The following TRAPPC9 variants were observed in gnomAD, a reference collection of about 807,000 sequenced individuals.
The protein encoded by TRAPPC9 is IKK2 binding protein.
In TRAPPC9, 83 loss-of-function variants were observed where a neutral mutation model predicts 124.0. The observed-to-expected ratio is 0.67, with a 90% CI of 0.56 to 0.80. The LOEUF is 0.80. Among genes scored for constraint, TRAPPC9 ranks in the 30% least tolerant of loss-of-function variants. TRAPPC9 has a pLI of 0.00. For missense variants in TRAPPC9, 1,302 were observed against 1,508.3 expected (o/e 0.86, Z 2.27); for synonymous variants, 638 against 617.5 (o/e 1.03, Z -0.49).
chr8:140,006,334 C>A (rs560114389), intron 18 of TRAPPC9, among the ~76,000 whole-genome samples: 1 of 152,100 alleles, frequency 6.6e-6, no homozygotes, highest in South Asian at 2.1e-4. Context: ...TGGCTGGAAT[C>A]AAAAAGATAG....
chr8:140,272,356 A>T (rs535050097), intron 15 of TRAPPC9, among the ~76,000 whole-genome samples: 2 of 104,528 alleles, frequency 1.9e-5, no homozygotes, highest in Admixed American at 9.2e-5. Flanking sequence ...CAGTGGAGAG[A>T]GTGGTGGTAG....
At chr8:140,242,043 G>A (rs1000836268) in intron 16 of TRAPPC9, among the ~76,000 whole-genome samples, 11 of 151,986 alleles carry the variant, frequency 7.2e-5, no homozygotes, top group Admixed American at 3.9e-4. Context: ...AAAGAGAGAC[G>A]GACATTCCAG....
chr8:139,941,543 C>T (rs995746799), intron 19 of TRAPPC9, among the ~76,000 whole-genome samples: 3 of 152,190 alleles, frequency 2.0e-5, no homozygotes, highest in Non-Finnish European at 4.4e-5. Flanking sequence ...GTGCCCTCAT[C>T]CTGTTTAGCC....
chr8:140,141,821 T>C (rs373541509), intron 17 of TRAPPC9, among the ~76,000 whole-genome samples: 115 of 152,344 alleles, frequency 7.5e-4, no homozygotes, highest in African/African-American at 2.5e-3. Flanking sequence ...TTTACTGTTA[T>C]ATATGTTAAG....
chr8:140,345,050 G>A (rs1409168649), intron 9 of TRAPPC9, among the ~76,000 whole-genome samples: 1 of 152,250 alleles, frequency 6.6e-6, no homozygotes, highest in Non-Finnish European at 1.5e-5. Context: ...GTGCTGAGAG[G>A]GAAGCGAAGG....
rs564710431 is a variant in TRAPPC9 at position 140,242,672 on chromosome 8, T to C, written c.2431+10105A>G. Among the ~76,000 whole-genome samples the C allele has an allele frequency of 2.6e-5, 4 of 152,350 alleles. No homozygotes were observed. In the East Asian group the frequency reaches 7.7e-4, roughly 29 times the overall value. On this transcript the variant is annotated intron_variant, in intron 16 of 22. Transcript: ENST00000438773. ...AGACATTTCAGAGTCATTACCATCA[T>C]GTTAGAGCCTGTGAAATCATTTAGG... is the stretch of plus-strand genomic sequence containing the variant.
At chr8:139,739,200 A>G (rs1226037469) in intron 21 of TRAPPC9, among the ~76,000 whole-genome samples, 2 of 151,786 alleles carry the variant, frequency 1.3e-5, no homozygotes, top group Admixed American at 1.3e-4. Flanking sequence ...CACCACCGGC[A>G]GCAGCTCAAG....
chr8:139,788,816 A>AC lies in TRAPPC9; in HGVS notation c.3056-56615dup, dbSNP rs2130584187. 1.3e-5 allele frequency among the ~76,000 whole-genome samples: 2 copies of AC among 152,292 alleles called. No homozygotes were observed. The highest frequency in any genetic ancestry group is 4.1e-4 in the South Asian group (2 of 4,826). On this transcript the variant is annotated intron_variant, in intron 21 of 22. Coordinates refer to ENST00000438773, the MANE Select transcript of TRAPPC9 (RefSeq NM_001160372.4). This position sits in a 1 kb window ranked among gnomAD's most constrained non-coding sequence, Gnocchi z 4.9. Reference sequence around the variant, plus strand: ...ACAACACCCTGGGCCAGCTGCCTTCACAAGAGGTGTGGTGGGGGGCTTTCA... The same window carrying AC: ...ACAACACCCTGGGCCAGCTGCCTTCACCAAGAGGTGTGGTGGGGGGCTTTCA...
At chr8:139,900,292 C>CA (rs1426989465) in intron 20 of TRAPPC9, among the ~76,000 whole-genome samples, 7 of 152,214 alleles carry the variant, frequency 4.6e-5, no homozygotes. Context: ...TTAGCCTTGT[C>CA]ATTCTGGTGA....
At chr8:140,009,987 C>T (rs528051168) in intron 18 of TRAPPC9, among the ~76,000 whole-genome samples, 4 of 152,258 alleles carry the variant, frequency 2.6e-5, no homozygotes, top group African/African-American at 7.2e-5. Flanking sequence ...GAACCAGGTC[C>T]ATTGATGCAA....
chr8:140,155,402 A>T (rs1587822009), intron 17 of TRAPPC9, among the ~76,000 whole-genome samples: 4 of 152,348 alleles, frequency 2.6e-5, no homozygotes, highest in Admixed American at 2.6e-4. Flanking sequence ...GCAGGACGCC[A>T]CAGCCACCAC....
At chr8:140,142,433 G>T (rs1361843261) in intron 17 of TRAPPC9, among the ~76,000 whole-genome samples, 1 of 152,256 alleles carries the variant, frequency 6.6e-6, no homozygotes, top group Non-Finnish European at 1.5e-5. Flanking sequence ...CGGCACCGCA[G>T]CAGCCCCGGT....
chr8:140,258,064 C>A (rs770622114), intron 15 of TRAPPC9, among the ~76,000 whole-genome samples: 1 of 152,214 alleles, frequency 6.6e-6, no homozygotes, highest in Non-Finnish European at 1.5e-5. Flanking sequence ...CATGGTCTGA[C>A]AGAGGAGGCA....
intron 17 of TRAPPC9, among the ~76,000 whole-genome samples, chr8:140,041,351 A>G (rs1195571984): frequency 1.3e-5 from 2 of 152,264 alleles, no homozygotes; most frequent in African/African-American, 2.4e-5. Context: ...GTGTTCAAAC[A>G]GCGTACACCT....
intron 17 of TRAPPC9, among the ~76,000 whole-genome samples, chr8:140,219,981 A>G (rs2063298885): frequency 6.6e-6 from 1 of 152,180 alleles, no homozygotes; most frequent in Non-Finnish European, 1.5e-5. Context: ...ACAACCTCTA[A>G]TCAGACACTG....
intron 17 of TRAPPC9, among the ~76,000 whole-genome samples, chr8:140,161,593 T>C (rs2061752311): frequency 6.6e-6 from 1 of 152,136 alleles, no homozygotes; most frequent in South Asian, 2.1e-4. Flanking sequence ...CTTGACTGCA[T>C]TTTGACTGTG....
At chr8:140,430,158 AAAAAT>A (rs901334701) in intron 4 of TRAPPC9, among the ~76,000 whole-genome samples, 1 of 152,322 alleles carries the variant, frequency 6.6e-6, no homozygotes, top group East Asian at 1.9e-4. Flanking sequence ...AAAAAAAAAA[AAAAAT>A]GTTATCTGTT....
intron 13 of TRAPPC9, among the ~76,000 whole-genome samples, chr8:140,285,845 T>G (rs2065467654): frequency 6.6e-6 from 1 of 152,158 alleles, no homozygotes; most frequent in African/African-American, 2.4e-5. Context: ...CCACTCCGTA[T>G]TCCCACTTGG....
At chr8:139,771,008 T>C (rs1472859684) in intron 21 of TRAPPC9, among the ~76,000 whole-genome samples, 1 of 152,110 alleles carries the variant, frequency 6.6e-6, no homozygotes, top group African/African-American at 2.4e-5. Flanking sequence ...GAGGAACTGG[T>C]CTAGAAAGTG....
Sources: allele counts gnomAD v4.1 joint callset (sites outside exome capture counted in the v4.1 genomes callset), GRCh38; gene constraint gnomAD v4.1.1; non-coding constraint Gnocchi (gnomAD v3.1); transcripts MANE v1.5; gene names NCBI Gene and HGNC (gene_info 2026-07-23, HGNC 2026-07-21).